Variants in PLCB1 observed in about 807,000 individuals in gnomAD.
PLCB1 encodes 1-phosphatidylinositol 4,5-bisphosphate phosphodiesterase beta-1.
A neutral mutation model predicts 161.8 loss-of-function variants in PLCB1; 46 were observed. That is an observed-to-expected ratio of 0.28 (90% CI 0.22 to 0.36). PLCB1 has a LOEUF of 0.36. Among genes scored for constraint, PLCB1 ranks in the 10% least tolerant of loss-of-function variants. The pLI is 1.00. For missense variants in PLCB1, 1,016 were observed against 1,472.5 expected, an observed-to-expected ratio of 0.69 and a Z score of 5.07; for synonymous variants, 517 against 503.7, an observed-to-expected ratio of 1.03 and a Z score of -0.35.
intron 3 of PLCB1, among the ~76,000 whole-genome samples, chr20:8,609,380 A>C (rs774745459): frequency 8.5e-5 from 13 of 152,206 alleles, no homozygotes; most frequent in Non-Finnish European, 1.8e-4. Context: ...ATGCTCCAGC[A>C]CTTGGATGAG....
chr20:8,768,970 G>GA (rs1471416487), intron 26 of PLCB1, among the ~76,000 whole-genome samples: 1 of 152,116 alleles, frequency 6.6e-6, no homozygotes, highest in African/African-American at 2.4e-5. Context: ...TATATAGTAT[G>GA]AACTTCTTGA....
At chr20:8,736,959 A>G in intron 19 of PLCB1, 69 bp from the exon 20 acceptor site, 1 of 1,202,748 alleles carries the variant, frequency 8.3e-7, no homozygotes, top group Non-Finnish European at 1.2e-6. Context: ...TCTTTAAAGT[A>G]TTCTCTTATG....
At chr20:8,790,946 G>A (rs930330088) in intron 31 of PLCB1, among the ~76,000 whole-genome samples, 2 of 152,024 alleles carry the variant, frequency 1.3e-5, no homozygotes, top group Non-Finnish European at 1.5e-5. Flanking sequence ...TGGAAATTGT[G>A]TTTTTCAATT....
chr20:8,617,898 G>T (rs1988078934), intron 3 of PLCB1, among the ~76,000 whole-genome samples: 1 of 152,100 alleles, frequency 6.6e-6, no homozygotes, highest in Non-Finnish European at 1.5e-5. Flanking sequence ...ACCTAAGATA[G>T]TGTTTGGTAT....
rs1408666327 is a variant in PLCB1 at position 8,276,983 on chromosome 20, CTTCTTA to C, written c.178-94396_178-94391del. Among the ~76,000 whole-genome samples the C allele has an allele frequency of 8.3e-3, 820 of 99,010 alleles. 4 individuals are homozygous for C. Among genetic ancestry groups the C allele is most frequent in the Non-Finnish European group, 0.01 (517 of 49,828 alleles). The allele number at this position is 99,010 out of a possible 152,430, so 65.0% of individuals were successfully genotyped here. A position where few individuals can be genotyped will look rare whatever the true frequency, so the allele number is the denominator to read the frequency against. On this transcript the variant is annotated intron_variant, in intron 2 of 31. Coordinates refer to ENST00000338037, the MANE Select transcript of PLCB1 (RefSeq NM_015192.4). The stretch of plus-strand genomic sequence containing the variant: ...TCTTCTTCTTCTTCTTCTTCTTCTT[CTTCTTA>C]TTATTATTATTATTATTATTATTAT...
chr20:8,792,577 TTGTAAATAGGTACCATGA>T (rs1279392953), intron 31 of PLCB1: 1 of 471,188 alleles, frequency 2.1e-6, no homozygotes, highest in Admixed American at 2.3e-5. Context: ...GCGTTTTTTA[TTGTAAATAGGTACCATGA>T]TGAATTCCTC....
chr20:8,158,871 C>G (rs1168665633), intron 2 of PLCB1, among the ~76,000 whole-genome samples: 1 of 152,218 alleles, frequency 6.6e-6, no homozygotes, highest in Non-Finnish European at 1.5e-5. Context: ...GAGATGGGCT[C>G]CCATGGCCTT....
At chr20:8,819,962 A>G (rs1985257695) in intron 31 of PLCB1, among the ~76,000 whole-genome samples, 1 of 150,316 alleles carries the variant, frequency 6.7e-6, no homozygotes, top group African/African-American at 2.4e-5. Flanking sequence ...ATTTATATGT[A>G]TTATAAATAT....
intron 2 of PLCB1, among the ~76,000 whole-genome samples, chr20:8,339,682 G>A (rs1985725643): frequency 1.3e-5 from 2 of 152,146 alleles, no homozygotes; most frequent in Admixed American, 1.3e-4. Context: ...TTTTTTGGTT[G>A]ATCCTCATCA....
chr20:8,452,427 T>G (rs1981113518), intron 3 of PLCB1, among the ~76,000 whole-genome samples: 1 of 152,216 alleles, frequency 6.6e-6, no homozygotes, highest in Admixed American at 6.5e-5. Flanking sequence ...AGCTCTGCCA[T>G]TAGTTAATTG....
chr20:8,154,009 T>C (rs2051534926), intron 2 of PLCB1, among the ~76,000 whole-genome samples: 1 of 152,230 alleles, frequency 6.6e-6, no homozygotes, highest in African/African-American at 2.4e-5. Context: ...CCAATCCTAG[T>C]TCTCTATTCA....
intron 3 of PLCB1, among the ~76,000 whole-genome samples, chr20:8,441,303 A>C (rs1345234981): frequency 6.6e-6 from 1 of 152,190 alleles, no homozygotes; most frequent in Non-Finnish European, 1.5e-5. Flanking sequence ...ACCGACCATA[A>C]TAGGATACTT....
In PLCB1 at chr20:8,470,069, C is replaced by T. The variant is rs118035679; in HGVS notation, c.246+98619C>T. Reference sequence around the variant, plus strand: ...GACCAGCTTCTTTCATATAGCCTAGCGTTTTTGAGATCCATCCGTGTAAAA... The same window carrying T: ...GACCAGCTTCTTTCATATAGCCTAGTGTTTTTGAGATCCATCCGTGTAAAA... On this transcript the variant is annotated intron_variant, in intron 3 of 31. Transcript: ENST00000338037. 2.2e-3 allele frequency among the ~76,000 whole-genome samples: 332 copies of T among 152,162 alleles called. 9 individuals carry two copies. The East Asian group carries it at 0.058, about 27-fold the overall frequency.
At chr20:8,208,611 TG>T (rs11475126) in intron 2 of PLCB1, among the ~76,000 whole-genome samples, 152,215 of 152,216 alleles carry the variant, frequency 1, 76,107 homozygotes, top group Non-Finnish European at 1. Context: ...TTTAGTATCA[TG>T]GCATCTGTTT....
chr20:8,746,905 G>C lies in PLCB1; in HGVS notation c.2523+5332G>C, dbSNP rs186681410. 2.2e-3 allele frequency among the ~76,000 whole-genome samples: 340 copies of C among 152,308 alleles called. 2 individuals carry two copies. Among genetic ancestry groups the C allele is most frequent in the Admixed American group, 0.02 (301 of 15,306 alleles). ...ATAAATTGCTGATCCTGGTTCACTG[G>C]ATCTGGGGTAGGGCCTGGGACTCAG... On this transcript the variant is annotated intron_variant, in intron 23 of 31. Coordinates refer to ENST00000338037, the MANE Select transcript of PLCB1 (RefSeq NM_015192.4).
At chr20:8,765,102 C>T (rs905596516) in intron 25 of PLCB1, 37 bp from the exon 26 acceptor site, 1 of 1,527,632 alleles carries the variant, frequency 6.5e-7, no homozygotes, top group Non-Finnish European at 9.0e-7. Flanking sequence ...ATGTTCAGCC[C>T]TCCCATTCCC....
At position 8,303,967 on chromosome 20, in the gene PLCB1, A is replaced by T. The variant is rs1474016749; in HGVS notation, c.178-67415A>T. On this transcript the variant is annotated intron_variant, in intron 2 of 31. Transcript: ENST00000338037. ...ATTAAAATGGAATGGTTCACCAAAA[A>T]CCAGGTCCTCATCTCAAATGAATAG... 3.3e-5 allele frequency among the ~76,000 whole-genome samples: 5 copies of T among 152,184 alleles called. No homozygotes were observed. The South Asian group carries it at 1.0e-3, about 32-fold the overall frequency.
At chr20:8,879,050 CTG>C (rs950271491) in intron 31 of PLCB1, among the ~76,000 whole-genome samples, 3 of 152,050 alleles carry the variant, frequency 2.0e-5, no homozygotes, top group African/African-American at 4.8e-5. Flanking sequence ...ATAAGTGAGA[CTG>C]TGTGGTATTT....
chr20:8,621,840 T>G (rs568613151), intron 3 of PLCB1, among the ~76,000 whole-genome samples: 1 of 152,344 alleles, frequency 6.6e-6, no homozygotes, highest in Admixed American at 6.5e-5. Flanking sequence ...ACTTCATCTT[T>G]CAGCACCTCA....
Sources: gnomAD v4.1 joint callset for allele counts (sites outside exome capture counted in the v4.1 genomes callset) on GRCh38, gnomAD v4.1.1 for gene constraint, MANE v1.5 for transcripts, NCBI Gene and HGNC (gene_info 2026-07-23, HGNC 2026-07-21) for gene names.